The following MAPK13 variants were observed in gnomAD, a reference collection of about 807,000 sequenced individuals.
MAPK13 encodes MAP kinase 13.
MAPK13 carries 39 observed loss-of-function variants against 53.5 expected under a neutral mutation model. The observed-to-expected ratio is 0.73, with a 90% CI of 0.56 to 0.95. MAPK13 has a LOEUF of 0.95. Among genes scored for constraint, MAPK13 ranks in the 40% least tolerant of loss-of-function variants. MAPK13 has a pLI of 0.00. For synonymous variants in MAPK13, 179 were observed against 190.9 expected (o/e 0.94, Z 0.51); for missense variants, 460 against 471.8 (o/e 0.98, Z 0.23).
chr6:36,131,516 A>C, intron 2 of MAPK13, 116 bp downstream of exon 2: 1 of 1,025,654 alleles, frequency 9.7e-7, no homozygotes, highest in Non-Finnish European at 1.4e-6. Context: ...TGCTCCCCTG[A>C]CGGTGCCTCT....
intron 2 of MAPK13, 67 bp from the exon 3 acceptor site, chr6:36,132,554 G>A: frequency 1.4e-6 from 2 of 1,468,994 alleles, no homozygotes; most frequent in East Asian, 2.3e-5. Context: ...TGCATGGCCA[G>A]GGCCCAGGAG....
intron 2 of MAPK13, among the ~76,000 whole-genome samples, chr6:36,132,337 C>A (rs1006588317): frequency 2.6e-5 from 4 of 152,208 alleles, no homozygotes; most frequent in Non-Finnish European, 5.9e-5. Flanking sequence ...GTGTTGCTTG[C>A]CCTGACACCA....
Position 36,130,825 on chromosome 6 carries a change from C to T in MAPK13, c.119+124C>T. ...ACCGCGGACCTCAAGGCCCAGCGCC[C>T]TCCCCGGGGCCACCCAGCGGCCATC... is the stretch of plus-strand genomic sequence containing the variant. On this transcript the variant is annotated intron_variant, in intron 1 of 11. Coordinates refer to ENST00000211287, the MANE Select transcript of MAPK13 (RefSeq NM_002754.5). This position sits in a 1 kb window ranked among gnomAD's most constrained non-coding sequence, Gnocchi z 4.5. 2 of 537,430 alleles carry T rather than the reference C, an allele frequency of 3.7e-6. No homozygotes were observed. Among genetic ancestry groups the T allele is most frequent in the Non-Finnish European group, 6.5e-6 (2 of 307,458 alleles). The allele number at this position is 537,430 out of a possible 1,614,324, so 33.3% of individuals were successfully genotyped here. A position where few individuals can be genotyped will look rare whatever the true frequency, so the allele number is the denominator to read the frequency against.
In MAPK13 at chr6:36,144,188, A is replaced by G. The variant is rs897068930; in HGVS notation, c.*4815A>G. ...TGGCTAATTTCAGAATAATATTTTC[A>G]TACACATAAAATATGTAGGATTACA... On this transcript the variant is annotated 3_prime_UTR_variant, in exon 12 of 12. Coordinates refer to ENST00000211287, the MANE Select transcript of MAPK13 (RefSeq NM_002754.5). The G allele has an allele frequency of 6.6e-6, 1 of 152,188 alleles. No individual in the cohort carries two copies. Among genetic ancestry groups the G allele is most frequent in the African/African-American group, 2.4e-5 (1 of 41,438 alleles). 9.4% of individuals were successfully genotyped at this position (152,188 alleles called of 1,614,324 possible). A position where few individuals can be genotyped will look rare whatever the true frequency, so the allele number is the denominator to read the frequency against.
At position 36,142,043 on chromosome 6, in the gene MAPK13, T is replaced by G. The variant is rs991065759; in HGVS notation, c.*2670T>G. ...CTGCCCCAAGGAAAAAGTCTAGCCT[T>G]CCTTCTTGGCCTGGCATTCAAAACC... is the stretch of plus-strand genomic sequence containing the variant. On this transcript the variant is annotated 3_prime_UTR_variant, in exon 12 of 12. Transcript: ENST00000211287. This position sits in a 1 kb window ranked among gnomAD's most constrained non-coding sequence, Gnocchi z 4.4. 2.0e-5 allele frequency: 3 copies of G among 152,404 alleles called. No individual in the cohort carries two copies. Among genetic ancestry groups the G allele is most frequent in the African/African-American group, 7.2e-5 (3 of 41,442 alleles). 9.4% of individuals were successfully genotyped at this position (152,404 alleles called of 1,614,324 possible). A position where few individuals can be genotyped will look rare whatever the true frequency, so the allele number is the denominator to read the frequency against.
rs1324101091 is a variant in MAPK13 at position 36,140,051 on chromosome 6, T to C, written c.*678T>C. Reference sequence around the variant, plus strand: ...TCCAAATAAAGTCACATTCTCAGGTTCCAGGTGGACATGAATTCCAGGGGG... The same window carrying C: ...TCCAAATAAAGTCACATTCTCAGGTCCCAGGTGGACATGAATTCCAGGGGG... On this transcript the variant is annotated 3_prime_UTR_variant, in exon 12 of 12. Transcript: ENST00000211287. 6.6e-6 allele frequency: 1 copy of C among 152,226 alleles called. No individual in the cohort carries two copies. The highest frequency in any genetic ancestry group is 2.4e-5 in the African/African-American group (1 of 41,462). The allele number at this position is 152,226 out of a possible 1,614,324, so 9.4% of individuals were successfully genotyped here. A position where few individuals can be genotyped will look rare whatever the true frequency, so the allele number is the denominator to read the frequency against.
At chr6:36,138,127 G>A (rs1766457497) in intron 8 of MAPK13, among the ~76,000 whole-genome samples, 1 of 152,160 alleles carries the variant, frequency 6.6e-6, no homozygotes, top group Admixed American at 6.5e-5. Flanking sequence ...GATGAAGGCT[G>A]AGAAGTCCAC....
chr6:36,139,384 T>G lies in MAPK13; in HGVS notation c.*11T>G. ...GGCATGAAGCTGTAGGGACTCATCT[T>G]GCATGGCACCGCCGGCCAGACACTG... On this transcript the variant is annotated 3_prime_UTR_variant, in exon 12 of 12. Transcript: ENST00000211287. The G allele has an allele frequency of 6.2e-7, 1 of 1,613,340 alleles. No homozygotes were observed. Among genetic ancestry groups the G allele is most frequent in the Non-Finnish European group, 8.5e-7 (1 of 1,179,368 alleles).
chr6:36,137,649 C>CAAAA (rs71540139), intron 8 of MAPK13, among the ~76,000 whole-genome samples: 8 of 120,190 alleles, frequency 6.7e-5, no homozygotes, highest in South Asian at 3.0e-4. Flanking sequence ...GACCCTAACT[C>CAAAA]AAAAAAAAAA....
rs1766297686 is a variant in MAPK13 at position 36,130,647 on chromosome 6, C to A, written c.65C>A (p.Pro22His). Residue 22 changes from proline (P) to histidine (H), a missense_variant, in exon 1 of 12, where the codon CCC becomes CAC. Coordinates refer to ENST00000211287, the MANE Select transcript of MAPK13 (RefSeq NM_002754.5). This position sits in a 1 kb window ranked among gnomAD's most constrained non-coding sequence, Gnocchi z 4.5. ...QDVNKTAWEL[P>H]KTYVSPTHVG... is the part of the protein sequence containing the mutation. Reference sequence around the variant, plus strand: ...GTCAACAAGACAGCCTGGGAGCTGCCCAAGACCTACGTGTCCCCGACGCAC... The same window carrying A: ...GTCAACAAGACAGCCTGGGAGCTGCACAAGACCTACGTGTCCCCGACGCAC... 6.3e-7 allele frequency: 1 copy of A among 1,587,052 alleles called. No homozygotes were observed. The highest frequency in any genetic ancestry group is 8.6e-7 in the Non-Finnish European group (1 of 1,168,984).
chr6:36,133,751 C>A (rs140128114), intron 3 of MAPK13, among the ~76,000 whole-genome samples: 1 of 152,052 alleles, frequency 6.6e-6, no homozygotes, highest in African/African-American at 2.4e-5. Flanking sequence ...AGCTGACACC[C>A]GGGAACAGAT....
At position 36,138,650 on chromosome 6, in the gene MAPK13, C is replaced by G. The variant is rs377570304; in HGVS notation, c.763-52C>G. On this transcript the variant is annotated intron_variant, in intron 9 of 11. Coordinates refer to ENST00000211287, the MANE Select transcript of MAPK13 (RefSeq NM_002754.5). ...CTGAGGCTTTTCTGAAATCCCTGCT[C>G]TACACGCTGAGGCCAGAGCCCTAAG... The G allele has an allele frequency of 2.8e-5, 43 of 1,557,244 alleles. No homozygotes were observed. In the Middle Eastern group the frequency reaches 2.0e-3, roughly 73 times the overall value.
chr6:36,135,815 A>G lies in MAPK13; in HGVS notation c.371A>G (p.Glu124Gly). Residue 124 changes from glutamate (E) to glycine (G), a missense_variant, in exon 4 of 12, where the codon GAG becomes GGG. By Grantham distance (98) the Glu-to-Gly change is moderately conservative. Coordinates refer to ENST00000211287, the MANE Select transcript of MAPK13 (RefSeq NM_002754.5). ...LQKIMGMEFS[E>G]EKIQYLVYQM... ...AAGATCATGGGGATGGAGTTCAGTG[A>G]GGAGAAGATCCAGTACCTGGTGTAT... The G allele has an allele frequency of 1.2e-6, 2 of 1,614,028 alleles. No individual in the cohort carries two copies. Among genetic ancestry groups the G allele is most frequent in the Non-Finnish European group, 1.7e-6 (2 of 1,179,958 alleles).
chr6:36,138,737 C>T lies in MAPK13; in HGVS notation c.798C>T (p.Pro266=), dbSNP rs753070980. ...ACATCCAGTCCCTGCCACAGACCCC[C>T]AGGAAGGATTTCACTCAGCTGTTCC... is the stretch of plus-strand genomic sequence containing the variant. The part of the protein sequence containing the change: ...KSYIQSLPQT[P]RKDFTQLFPR... Residue 266 remains proline (P), a synonymous_variant, in exon 10 of 12, where the codon CCC becomes CCT. Coordinates refer to ENST00000211287, the MANE Select transcript of MAPK13 (RefSeq NM_002754.5). The T allele has an allele frequency of 2.6e-5, 42 of 1,614,054 alleles. 1 individual carries two copies. In the East Asian group the frequency reaches 8.9e-4, roughly 34 times the overall value.
intron 3 of MAPK13, among the ~76,000 whole-genome samples, chr6:36,134,751 C>T (rs905354887): frequency 1.3e-5 from 2 of 151,948 alleles, no homozygotes; most frequent in South Asian, 2.1e-4. Context: ...TGGTGGCTCA[C>T]GCCTGTAATC....
chr6:36,130,737 G>GGGGCGGC lies in MAPK13; in HGVS notation c.119+36_119+37insGGGCGGC. The GGGGCGGC allele has an allele frequency of 1.6e-6, 1 of 643,208 alleles. No individual in the cohort carries two copies. Among genetic ancestry groups the GGGGCGGC allele is most frequent in the Non-Finnish European group, 2.5e-6 (1 of 397,130 alleles). The allele number at this position is 643,208 out of a possible 1,614,324, so 39.8% of individuals were successfully genotyped here. On this transcript the variant is annotated intron_variant, in intron 1 of 11. Transcript: ENST00000211287. This position sits in a 1 kb window ranked among gnomAD's most constrained non-coding sequence, Gnocchi z 4.5. ...TGGGCCGCTGGGGGGCGGGGGGCGG[G>GGGGCGGC]CGCCAGGCTCTCCCCTTTCCGCCCA...
intron 9 of MAPK13, 122 bp from the exon 10 acceptor site, chr6:36,138,575 CTCTTG>C: frequency 7.9e-7 from 1 of 1,272,156 alleles, no homozygotes; most frequent in Non-Finnish European, 1.1e-6. Context: ...CTGGCAGGCA[CTCTTG>C]TCTTAATCTC....
rs1256742547 is a variant in MAPK13, at chr6:36,132,739, A to C, written c.308+60A>C. On this transcript the variant is annotated intron_variant, in intron 3 of 11. Coordinates refer to ENST00000211287, the MANE Select transcript of MAPK13 (RefSeq NM_002754.5). ...CAGGCCTTACATGCCGCTGGGGAGC[A>C]AGGTGGGGGAGGGTCTAGGGTTTCT... 8.9e-6 allele frequency: 14 copies of C among 1,572,848 alleles called. No homozygotes were observed. In the Admixed American group the frequency reaches 1.8e-4, roughly 21 times the overall value.
rs746268612 is a variant in MAPK13 at position 36,136,808 on chromosome 6, A to C, written c.610+38A>C. On this transcript the variant is annotated intron_variant, in intron 7 of 11. Coordinates refer to ENST00000211287, the MANE Select transcript of MAPK13 (RefSeq NM_002754.5). Reference sequence around the variant, plus strand: ...TGCCTGAGAGGGCGGTCCTGGGGCCATCTGGTCACTCGGTGCTGACTGACT... The same window carrying C: ...TGCCTGAGAGGGCGGTCCTGGGGCCCTCTGGTCACTCGGTGCTGACTGACT... 5 of 1,611,122 alleles carry C rather than the reference A, an allele frequency of 3.1e-6. No homozygotes were observed. The East Asian group carries it at 1.1e-4, about 36-fold the overall frequency.
Sources: allele counts gnomAD v4.1 joint callset (sites outside exome capture counted in the v4.1 genomes callset), GRCh38; gene constraint gnomAD v4.1.1; non-coding constraint Gnocchi (gnomAD v3.1); transcripts MANE v1.5; gene names NCBI Gene and HGNC (gene_info 2026-07-23, HGNC 2026-07-21).